GNG2: variants seen among roughly 807,000 people sequenced by gnomAD.
The protein encoded by GNG2 is G protein subunit gamma 2.
In GNG2, 5 loss-of-function variants were observed where a neutral mutation model predicts 5.5. The ratio of observed to expected loss-of-function variants is 0.91; its 90% CI spans 0.48 to 1.92. The LOEUF (loss-of-function observed/expected upper bound fraction) is 1.92, where lower values mean the gene tolerates loss of function less well. Ranked by LOEUF, GNG2 falls within the 30% of genes most tolerant of loss-of-function variation. The pLI is 0.01. For synonymous variants in GNG2, 28 were observed against 32.0 expected (o/e 0.88, Z 0.42); for missense variants, 55 against 88.4 (o/e 0.62, Z 1.52).
intron 2 of GNG2, among the ~76,000 whole-genome samples, chr14:51,844,643 G>A (rs1440919799): frequency 2.0e-5 from 3 of 152,100 alleles, no homozygotes; most frequent in African/African-American, 4.8e-5. Flanking sequence ...GTTCCTTCCC[G>A]GGAGAACCTA....
chr14:51,905,366 A>T (rs911174433), intron 2 of GNG2, among the ~76,000 whole-genome samples: 1 of 152,214 alleles, frequency 6.6e-6, no homozygotes, highest in Admixed American at 6.5e-5. Flanking sequence ...TCTGTTTACC[A>T]TATAAACGAA....
At position 51,968,341 on chromosome 14, in the gene GNG2, C is replaced by T. The variant is rs3204008; in HGVS notation, c.*1654C>T. 1 of 151,404 alleles carries T rather than the reference C, an allele frequency of 6.6e-6. No homozygotes were observed. Among genetic ancestry groups the T allele is most frequent in the Non-Finnish European group, 1.5e-5 (1 of 67,952 alleles). 9.4% of individuals were successfully genotyped at this position (151,404 alleles called of 1,614,324 possible). A position where few individuals can be genotyped will look rare whatever the true frequency, so the allele number is the denominator to read the frequency against. ...ATTAATTTTATTGTCTCTTTCCTCT[C>T]TATTCGCTTTCTCCTGTTTTTTTTT... On this transcript the variant is annotated 3_prime_UTR_variant, in exon 4 of 4. Transcript: ENST00000556766.
intron 3 of GNG2, among the ~76,000 whole-genome samples, chr14:51,961,715 C>T (rs961506142): frequency 3.3e-5 from 5 of 152,066 alleles, no homozygotes; most frequent in Admixed American, 1.3e-4. Context: ...AGATGATAAG[C>T]CAACCCATTG....
At position 51,932,548 on chromosome 14, in the gene GNG2, C is replaced by T. The variant is rs1372293817; in HGVS notation, c.-29-18102C>T. ...GGGAGGTGGGAGGATCACTTGAGCC[C>T]AGTAGGTCAAGGCTGCAGTTAGCCA... On this transcript the variant is annotated intron_variant, in intron 2 of 3. Transcript: ENST00000556766. Among the ~76,000 whole-genome samples, 5 of 151,900 alleles carry T rather than the reference C, an allele frequency of 3.3e-5. 1 individual carries two copies. The highest frequency in any genetic ancestry group is 3.3e-4 in the Admixed American group (5 of 15,274).
chr14:51,903,357 A>T (rs1566675804), intron 2 of GNG2, among the ~76,000 whole-genome samples: 1 of 152,240 alleles, frequency 6.6e-6, no homozygotes, highest in Non-Finnish European at 1.5e-5. Context: ...GCTCCAAGCA[A>T]CCTAACCCCA....
intron 3 of GNG2, among the ~76,000 whole-genome samples, chr14:51,963,300 C>T (rs1290980853): frequency 6.6e-6 from 1 of 152,180 alleles, no homozygotes; most frequent in East Asian, 1.9e-4. Flanking sequence ...ATAGTACTTC[C>T]TGTATCATAA....
At chr14:51,891,016 A>C (rs2140159917) in intron 2 of GNG2, among the ~76,000 whole-genome samples, 1 of 152,330 alleles carries the variant, frequency 6.6e-6, no homozygotes, top group African/African-American at 2.4e-5. Context: ...AATAACTTTC[A>C]GTCTCTAAGT....
At chr14:51,922,760 C>T (rs576175039) in intron 2 of GNG2, among the ~76,000 whole-genome samples, 21 of 152,244 alleles carry the variant, frequency 1.4e-4, no homozygotes, top group East Asian at 5.8e-4. Context: ...TAAGACATAA[C>T]GGACTCGTGC....
intron 2 of GNG2, among the ~76,000 whole-genome samples, chr14:51,840,616 T>G (rs990940451): frequency 1.3e-5 from 2 of 152,228 alleles, no homozygotes; most frequent in Non-Finnish European, 2.9e-5. Context: ...ATTCATTCTG[T>G]TGCCTCCAAA....
At chr14:51,916,507 CCTG>C in intron 2 of GNG2, 1 of 395,098 alleles carries the variant, frequency 2.5e-6, no homozygotes, top group Admixed American at 2.7e-5. Flanking sequence ...CGAAAATAAT[CCTG>C]AAAAAAAAAA....
intron 2 of GNG2, among the ~76,000 whole-genome samples, chr14:51,892,003 A>C (rs1884888265): frequency 6.6e-6 from 1 of 152,234 alleles, no homozygotes; most frequent in Non-Finnish European, 1.5e-5. Flanking sequence ...GTTGACCATT[A>C]GTGGTTATAC....
chr14:51,872,830 G>T (rs182313157), intron 1 of GNG2, among the ~76,000 whole-genome samples: 62 of 152,304 alleles, frequency 4.1e-4, no homozygotes, highest in African/African-American at 1.4e-3. Context: ...AAAAATAGAT[G>T]CTGTTGTTTT....
intron 1 of GNG2, among the ~76,000 whole-genome samples, chr14:51,862,509 C>T (rs1882578248): frequency 1.3e-5 from 2 of 152,204 alleles, no homozygotes; most frequent in African/African-American, 4.8e-5. Flanking sequence ...AAGTTGGCAA[C>T]CTGAGCTGCA....
chr14:51,882,118 G>C (rs1231856333), intron 2 of GNG2, among the ~76,000 whole-genome samples: 1 of 152,010 alleles, frequency 6.6e-6, no homozygotes, highest in South Asian at 2.1e-4. Context: ...TGTAAATAAG[G>C]ATCAAAATAA....
chr14:51,917,050 C>G (rs1221411122), intron 2 of GNG2, among the ~76,000 whole-genome samples: 1 of 152,060 alleles, frequency 6.6e-6, no homozygotes. Context: ...GTGGGCAGAG[C>G]CTGGTGAAAG....
At chr14:51,956,173 C>A (rs541750021) in intron 3 of GNG2, among the ~76,000 whole-genome samples, 1 of 152,286 alleles carries the variant, frequency 6.6e-6, no homozygotes, top group South Asian at 2.1e-4. Flanking sequence ...TCATTTATAT[C>A]CTTTAAAATA....
chr14:51,835,507 AC>A (rs1417532780), intron 2 of GNG2, among the ~76,000 whole-genome samples: 2 of 152,042 alleles, frequency 1.3e-5, no homozygotes, highest in Non-Finnish European at 2.9e-5. Context: ...TTCAGCAAAA[AC>A]CCACACCACC....
chr14:51,935,432 C>T (rs1566698148), intron 2 of GNG2, among the ~76,000 whole-genome samples: 1 of 152,152 alleles, frequency 6.6e-6, no homozygotes, highest in Non-Finnish European at 1.5e-5. Context: ...TTATTTCACA[C>T]ACTCCCACCC....
intron 2 of GNG2, among the ~76,000 whole-genome samples, chr14:51,891,295 T>C (rs1483771490): frequency 6.6e-6 from 1 of 152,224 alleles, no homozygotes. Context: ...AGATCAACAA[T>C]TCCTTCCCAT....
Sources: allele counts gnomAD v4.1 joint callset (sites outside exome capture counted in the v4.1 genomes callset), GRCh38; gene constraint gnomAD v4.1.1; transcripts MANE v1.5; gene names NCBI Gene and HGNC (gene_info 2026-07-23, HGNC 2026-07-21).